Variants in ZSWIM4 observed in about 807,000 individuals in gnomAD.
The protein encoded by ZSWIM4 is zinc finger SWIM-type containing 4.
In ZSWIM4, 62 loss-of-function variants were observed where a neutral mutation model predicts 102.5. That is an observed-to-expected ratio of 0.60 (90% CI 0.49 to 0.75). ZSWIM4 has a LOEUF of 0.75. ZSWIM4 is among the 30% of genes least tolerant of loss of function. ZSWIM4 has a pLI of 0.00. For synonymous variants in ZSWIM4, 652 were observed against 674.5 expected (o/e 0.97, Z 0.52); for missense variants, 1,280 against 1,529.6 (o/e 0.84, Z 2.72).
At chr19:13,822,299 C>T (rs1000645110) in intron 10 of ZSWIM4, among the ~76,000 whole-genome samples, 1 of 151,990 alleles carries the variant, frequency 6.6e-6, no homozygotes, top group Non-Finnish European at 1.5e-5. Flanking sequence ...TTTTTTTTCT[C>T]AGCAAAATAC....
At chr19:13,819,735 C>A (rs997795566) in intron 10 of ZSWIM4, among the ~76,000 whole-genome samples, 1 of 151,966 alleles carries the variant, frequency 6.6e-6, no homozygotes, top group East Asian at 1.9e-4. Context: ...GTGGCGCGAT[C>A]TCAGCTCACT....
chr19:13,799,871 G>A lies in ZSWIM4; in HGVS notation c.305G>A (p.Arg102His), dbSNP rs542889635. The change falls in exon 2 of 14, where the codon CGC (arginine) becomes CAC (histidine). Residue 102 changes from arginine (R) to histidine (H), a missense_variant. By Grantham distance (29) the Arg-to-His change is conservative. Coordinates refer to ENST00000590508, the MANE Select transcript of ZSWIM4 (RefSeq NM_001367834.3). The stretch of plus-strand genomic sequence containing the variant: ...CACGATGCCCGGGTGCCCTTTACCC[G>A]CGGGCTGCACCTGCTCCAGAGCGGG... The part of the protein sequence containing the change: ...GEHDARVPFT[R>H]GLHLLQSGAV... The A allele has an allele frequency of 6.8e-6, 11 of 1,613,312 alleles. No homozygotes were observed. Among genetic ancestry groups the A allele is most frequent in the Middle Eastern group, 1.7e-4 (1 of 6,060 alleles).
Position 13,828,687 on chromosome 19 carries a change from G to A in ZSWIM4, c.2422G>A (p.Glu808Lys). 13 of 1,614,168 alleles carry A rather than the reference G, an allele frequency of 8.1e-6. No homozygotes were observed. The highest frequency in any genetic ancestry group is 1.0e-5 in the Non-Finnish European group (12 of 1,180,030). ...GAACGTAATGACCTGGCGGCGGAGG[G>A]AGATGGTGCGCTGGCTGGTCAGCTG... is the stretch of plus-strand genomic sequence containing the variant. ...TLNVMTWRRR[E>K]MVRWLVSCAT... The change falls in exon 13 of 14, where the codon GAG becomes AAG. Residue 808 changes from glutamate (E) to lysine (K), a missense_variant. Physicochemically the swap from Glu to Lys is moderately conservative, Grantham distance 56. Coordinates refer to ENST00000590508, the MANE Select transcript of ZSWIM4 (RefSeq NM_001367834.3).
rs987492382 is a variant in ZSWIM4 at position 13,809,723 on chromosome 19, C to T, written c.1012+503C>T. ...CTTGAACTCCTGGACTCAAGCAGTC[C>T]TCTCACCCAGCCTCCCAAAGTACTG... On this transcript the variant is annotated intron_variant, in intron 5 of 13. Coordinates refer to ENST00000590508, the MANE Select transcript of ZSWIM4 (RefSeq NM_001367834.3). The surrounding 1 kb of genome is among the most constrained non-coding windows in gnomAD (Gnocchi z 4.2). Among the ~76,000 whole-genome samples the T allele has an allele frequency of 2.6e-5, 4 of 152,184 alleles. No homozygotes were observed. The highest frequency in any genetic ancestry group is 4.8e-5 in the African/African-American group (2 of 41,456).
At chr19:13,815,950 T>TAA (rs1172573879) in intron 7 of ZSWIM4, among the ~76,000 whole-genome samples, 3 of 75,336 alleles carry the variant, frequency 4.0e-5, no homozygotes, top group African/African-American at 1.1e-4. Context: ...CTCAAAAAAT[T>TAA]AAAAAAAAAA....
chr19:13,817,582 C>T, intron 8 of ZSWIM4, 140 bp from the exon 9 acceptor site: 2 of 1,192,296 alleles, frequency 1.7e-6, no homozygotes, highest in Non-Finnish European at 1.2e-6. Flanking sequence ...CCGCGCTCCC[C>T]CAACCCCGTG....
chr19:13,828,420 A>G (rs1186098954), intron 12 of ZSWIM4, among the ~76,000 whole-genome samples: 3 of 152,086 alleles, frequency 2.0e-5, no homozygotes, highest in Admixed American at 2.0e-4. Flanking sequence ...AAAAAAACAA[A>G]ACAAAACAAC....
intron 10 of ZSWIM4, 27 bp from the exon 11 acceptor site, chr19:13,823,319 C>T (rs1421292309): frequency 1.9e-6 from 3 of 1,600,290 alleles, no homozygotes; most frequent in Admixed American, 1.7e-5. Flanking sequence ...CCCCTCCTCA[C>T]CATGGCTCAC....
intron 12 of ZSWIM4, among the ~76,000 whole-genome samples, chr19:13,828,185 G>A (rs1975662338): frequency 6.6e-6 from 1 of 152,142 alleles, no homozygotes; most frequent in African/African-American, 2.4e-5. Context: ...GAGGCGGGCG[G>A]ATCACTTGAG....
chr19:13,819,549 A>G lies in ZSWIM4; in HGVS notation c.2060+57A>G. On this transcript the variant is annotated intron_variant, in intron 10 of 13. Transcript: ENST00000590508. ...GGAGCTGGGGGGAAGAGGGGCGGGC[A>G]TGGGGGGTAGCTCAGAGCCCCACCC... is the stretch of plus-strand genomic sequence containing the variant. 2.1e-6 allele frequency: 3 copies of G among 1,446,426 alleles called. No homozygotes were observed. In the Admixed American group the frequency reaches 6.0e-5, roughly 29 times the overall value. The allele number at this position is 1,446,426 out of a possible 1,614,324, so 89.6% of individuals were successfully genotyped here.
chr19:13,799,907 G>A lies in ZSWIM4; in HGVS notation c.341G>A (p.Arg114His), dbSNP rs1292524940. The A allele has an allele frequency of 6.2e-7, 1 of 1,610,920 alleles. No individual in the cohort carries two copies. The highest frequency in any genetic ancestry group is 1.1e-5 in the South Asian group (1 of 91,050). Residue 114 changes from arginine to histidine, a missense_variant, in exon 2 of 14, where the codon CGC (arginine) becomes CAC (histidine). Arg to His is a conservative substitution (Grantham distance 29, BLOSUM62 0). Transcript: ENST00000590508. ...CTGCTCCAGAGCGGGGCCGTGGACC[G>A]CGTGTTGCAAGTGGGTGAGTCTTTG... is the stretch of plus-strand genomic sequence containing the variant. ...LHLLQSGAVD[R>H]VLQVGFHLSG...
chr19:13,821,676 A>C (rs1348680761), intron 10 of ZSWIM4, among the ~76,000 whole-genome samples: 2 of 152,110 alleles, frequency 1.3e-5, no homozygotes, highest in Non-Finnish European at 2.9e-5. Context: ...CCTCCCACCA[A>C]GTAACTGGGA....
At chr19:13,800,528 G>A (rs1307658016) in intron 2 of ZSWIM4, among the ~76,000 whole-genome samples, 1 of 151,750 alleles carries the variant, frequency 6.6e-6, no homozygotes, top group Non-Finnish European at 1.5e-5. Context: ...GCCTCCCAAA[G>A]TGCTGGGATT....
intron 3 of ZSWIM4, among the ~76,000 whole-genome samples, chr19:13,807,794 G>GAT (rs1174384790): frequency 8.5e-5 from 12 of 141,518 alleles, no homozygotes; most frequent in African/African-American, 3.1e-4. Flanking sequence ...TGGATGGATG[G>GAT]GTGTATGGGT....
chr19:13,830,486 C>A lies in ZSWIM4; in HGVS notation c.2757C>A (p.His919Gln), dbSNP rs775107059. 1.2e-6 allele frequency: 2 copies of A among 1,601,454 alleles called. No homozygotes were observed. Among genetic ancestry groups the A allele is most frequent in the East Asian group, 2.2e-5 (1 of 44,862 alleles). ...ACGCGGCGGCCGGCGGCCTGGGCCA[C>A]GCCCACCTCTTCACTGTGGCCCGCT... is the stretch of plus-strand genomic sequence containing the variant. ...VLDAAAGGLG[H>Q]AHLFTVARYM... The change falls in exon 14 of 14, where the codon CAC (histidine) becomes CAA (glutamine). Residue 919 changes from histidine (H) to glutamine (Q), a missense_variant. His to Gln is a conservative substitution (Grantham distance 24, BLOSUM62 0). Transcript: ENST00000590508.
In ZSWIM4 at chr19:13,809,270, T is replaced by C. The variant is rs1473724289; in HGVS notation, c.1012+50T>C. ...GTGGACACCGGGACTTCGGCTCCCA[T>C]GGGGGCTGGCCCACTCCAAGATTAG... On this transcript the variant is annotated intron_variant, in intron 5 of 13. Transcript: ENST00000590508. This position sits in a 1 kb window ranked among gnomAD's most constrained non-coding sequence, Gnocchi z 4.2. 3.2e-6 allele frequency: 5 copies of C among 1,549,608 alleles called. No homozygotes were observed. Among genetic ancestry groups the C allele is most frequent in the African/African-American group, 1.4e-5 (1 of 73,784 alleles).
intron 1 of ZSWIM4, among the ~76,000 whole-genome samples, chr19:13,797,584 A>G (rs990824694): frequency 3.3e-5 from 5 of 152,258 alleles, no homozygotes; most frequent in African/African-American, 9.6e-5. Context: ...TGGGCCACAT[A>G]TAAAATGCAC....
At position 13,811,685 on chromosome 19, in the gene ZSWIM4, G is replaced by A. The variant is rs537973199; in HGVS notation, c.1013-1312G>A. Among the ~76,000 whole-genome samples, 15 of 152,096 alleles carry A rather than the reference G, an allele frequency of 9.9e-5. No individual in the cohort carries two copies. The East Asian group carries it at 1.4e-3, about 14-fold the overall frequency. Reference sequence around the variant, plus strand: ...CCTGTCTCTAAATTTTTTAAAAACCGGCTTTATTTATAGATACTTACTAAT... The same window carrying A: ...CCTGTCTCTAAATTTTTTAAAAACCAGCTTTATTTATAGATACTTACTAAT... On this transcript the variant is annotated intron_variant, in intron 5 of 13. Transcript: ENST00000590508.
Position 13,830,535 on chromosome 19 carries a change from C to T in ZSWIM4, c.2806C>T (p.Leu936Phe). The T allele has an allele frequency of 6.3e-6, 10 of 1,599,524 alleles. No individual in the cohort carries two copies. The highest frequency in any genetic ancestry group is 2.2e-5 in the East Asian group (1 of 44,854). The change falls in exon 14 of 14, where the codon CTC becomes TTC. Residue 936 changes from leucine (L) to phenylalanine (F), a missense_variant. Coordinates refer to ENST00000590508, the MANE Select transcript of ZSWIM4 (RefSeq NM_001367834.3). The stretch of plus-strand genomic sequence containing the variant: ...CTATATGGAGCACCGCGGGCTGCCG[C>T]TCCGGGCCTACAAGCTGGCGACGCT... Reference protein sequence around the residue: ...ARYMEHRGLPLRAYKLATLAL... With the variant: ...ARYMEHRGLPFRAYKLATLAL...
Sources: allele counts gnomAD v4.1 joint callset (sites outside exome capture counted in the v4.1 genomes callset), GRCh38; gene constraint gnomAD v4.1.1; non-coding constraint Gnocchi (gnomAD v3.1); transcripts MANE v1.5; gene names NCBI Gene and HGNC (gene_info 2026-07-23, HGNC 2026-07-21).